HDAC4: variants seen among roughly 807,000 people sequenced by gnomAD.
HDAC4 encodes the protein histone deacetylase A.
HDAC4 carries 16 observed loss-of-function variants against 135.1 expected under a neutral mutation model. The observed-to-expected ratio is 0.12, with a 90% CI of 0.08 to 0.18. The LOEUF is 0.18. HDAC4 is among the 10% of genes least tolerant of loss of function. The probability of loss-of-function intolerance (pLI) is 1.00; values close to 1 mark genes in which losing one functional copy is unlikely to be tolerated. For missense variants in HDAC4, 1,143 were observed against 1,511.8 expected, an observed-to-expected ratio of 0.76 and a Z score of 4.05; for synonymous variants, 685 against 653.4, an observed-to-expected ratio of 1.05 and a Z score of -0.74.
intron 2 of HDAC4, among the ~76,000 whole-genome samples, chr2:239,272,093 G>A (rs2050090959): frequency 1.3e-5 from 2 of 152,294 alleles, no homozygotes; most frequent in South Asian, 4.1e-4. Flanking sequence ...AACAACTGTG[G>A]GAAAAGCGAA....
intron 2 of HDAC4, among the ~76,000 whole-genome samples, chr2:239,276,497 A>C (rs2050373127): frequency 6.6e-6 from 1 of 152,220 alleles, no homozygotes; most frequent in Non-Finnish European, 1.5e-5. Flanking sequence ...AGATTGCTCC[A>C]TTGGTCATCA....
At chr2:239,200,265 C>G (rs598377) in intron 3 of HDAC4, among the ~76,000 whole-genome samples, 138,086 of 152,244 alleles carry the variant, frequency 0.91, 62,777 homozygotes, top group South Asian at 0.97. Context: ...GACATTCAAA[C>G]GCCTGAACGG....
At chr2:239,102,487 A>G in intron 16 of HDAC4, 1 of 426,818 alleles carries the variant, frequency 2.3e-6, no homozygotes, top group Non-Finnish European at 4.4e-6. Context: ...GGCGGGCAGC[A>G]TGCTGGCTGT....
At chr2:239,216,182 G>A (rs1266986456) in intron 3 of HDAC4, among the ~76,000 whole-genome samples, 2 of 123,732 alleles carry the variant, frequency 1.6e-5, no homozygotes, top group African/African-American at 5.3e-5. Flanking sequence ...ATATAAAAAC[G>A]CACGTGTTTA....
At chr2:239,366,960 G>C (rs762105818) in intron 1 of HDAC4, among the ~76,000 whole-genome samples, 1 of 139,522 alleles carries the variant, frequency 7.2e-6, no homozygotes, top group Non-Finnish European at 1.5e-5. Flanking sequence ...CACCAACAAC[G>C]GGCCTGAATT....
chr2:239,312,293 C>T (rs903543360), intron 2 of HDAC4, among the ~76,000 whole-genome samples: 6 of 152,164 alleles, frequency 3.9e-5, no homozygotes, highest in African/African-American at 1.4e-4. Context: ...AGCCTTGGTG[C>T]CAGGGCTCCT....
intron 7 of HDAC4, among the ~76,000 whole-genome samples, chr2:239,153,767 A>G (rs1425213576): frequency 6.6e-6 from 1 of 152,244 alleles, no homozygotes; most frequent in Non-Finnish European, 1.5e-5. Context: ...TCACAAGGTT[A>G]GAAGCACAGT....
chr2:239,127,322 C>T (rs2040261448), intron 11 of HDAC4, among the ~76,000 whole-genome samples: 1 of 152,228 alleles, frequency 6.6e-6, no homozygotes, highest in Non-Finnish European at 1.5e-5. Context: ...AGGATGCCCA[C>T]TTCACCAACC....
rs2031011532 is a variant in HDAC4 at position 239,052,527 on chromosome 2, T to TCCCCCACCCGGGTGCAGAC, written c.*551_*569dup. The TCCCCCACCCGGGTGCAGAC allele has an allele frequency of 6.6e-6, 1 of 150,994 alleles. No homozygotes were observed. Among genetic ancestry groups the TCCCCCACCCGGGTGCAGAC allele is most frequent in the Non-Finnish European group, 1.5e-5 (1 of 68,582 alleles). 9.4% of individuals were successfully genotyped at this position (150,994 alleles called of 1,614,324 possible). A position where few individuals can be genotyped will look rare whatever the true frequency, so the allele number is the denominator to read the frequency against. ...TTTGTTTTCTTTAAAGGTCCCTCTG[T>TCCCCCACCCGGGTGCAGAC]CCCCCACCCGGGTGCAGACCCCCCG... On this transcript the variant is annotated 3_prime_UTR_variant, in exon 27 of 27. Coordinates refer to ENST00000543185, the MANE Select transcript of HDAC4 (RefSeq NM_001378414.1).
Position 239,400,798 on chromosome 2 carries a change from G to T in HDAC4, c.-220+180C>A, listed in dbSNP as rs989751815. ...GCGCGCGGGCTCGGGCTCGGGCGGC[G>T]ACAGCCGGGACGCGGCCACGGCGCC... On this transcript the variant is annotated intron_variant, in intron 1 of 26. Transcript: ENST00000543185. This position sits in a 1 kb window ranked among gnomAD's most constrained non-coding sequence, Gnocchi z 4.7. 7 of 145,962 alleles carry T rather than the reference G, an allele frequency of 4.8e-5. No individual in the cohort carries two copies. Among genetic ancestry groups the T allele is most frequent in the South Asian group, 1.9e-4 (1 of 5,348 alleles). 9.0% of individuals were successfully genotyped at this position (145,962 alleles called of 1,614,324 possible). A position where few individuals can be genotyped will look rare whatever the true frequency, so the allele number is the denominator to read the frequency against.
intron 2 of HDAC4, among the ~76,000 whole-genome samples, chr2:239,256,600 C>G (rs2049065771): frequency 6.6e-6 from 1 of 152,256 alleles, no homozygotes; most frequent in South Asian, 2.1e-4. Flanking sequence ...GATCGCTCCA[C>G]TGATACTGTT....
intron 2 of HDAC4, among the ~76,000 whole-genome samples, chr2:239,238,905 C>T (rs1317381102): frequency 3.3e-5 from 5 of 152,188 alleles, no homozygotes; most frequent in Admixed American, 6.5e-5. Context: ...TGGGCTGGTC[C>T]GCGTCCCACC....
intron 12 of HDAC4, among the ~76,000 whole-genome samples, chr2:239,125,288 C>A (rs965937775): frequency 2.6e-5 from 4 of 152,138 alleles, no homozygotes; most frequent in Admixed American, 6.5e-5. Context: ...GAGGTCTGGT[C>A]GGTTAGAAGT....
chr2:239,217,528 C>G (rs2046707570), intron 3 of HDAC4, among the ~76,000 whole-genome samples: 1 of 152,066 alleles, frequency 6.6e-6, no homozygotes, highest in African/African-American at 2.4e-5. Context: ...CTGCAAGTAA[C>G]AAAATCAGAA....
At chr2:239,257,511 G>A (rs1575542584) in intron 2 of HDAC4, among the ~76,000 whole-genome samples, 2 of 152,272 alleles carry the variant, frequency 1.3e-5, no homozygotes, top group East Asian at 3.9e-4. Context: ...TTAGGGTTAG[G>A]AGGAGAACTC....
At position 239,331,538 on chromosome 2, in the gene HDAC4, G is replaced by A. The variant is rs1023026240; in HGVS notation, c.22+21140C>T. Among the ~76,000 whole-genome samples the A allele has an allele frequency of 7.2e-5, 11 of 152,152 alleles. No individual in the cohort carries two copies. The highest frequency in any genetic ancestry group is 5.9e-4 in the Admixed American group (9 of 15,278). On this transcript the variant is annotated intron_variant, in intron 2 of 26. Coordinates refer to ENST00000543185, the MANE Select transcript of HDAC4 (RefSeq NM_001378414.1). The surrounding 1 kb of genome is among the most constrained non-coding windows in gnomAD (Gnocchi z 4.5). ...AAGCCTGGAAAGCAAGCTGGGACTC[G>A]TGAACTAAGCCGCCCAGATAGTGAG...
intron 17 of HDAC4, chr2:239,094,285 A>G (rs778736163): frequency 2.4e-5 from 24 of 985,446 alleles, no homozygotes; most frequent in Non-Finnish European, 2.8e-5. Flanking sequence ...GGGCCAGGGG[A>G]GAACTCTTTT....
intron 15 of HDAC4, among the ~76,000 whole-genome samples, chr2:239,106,707 G>A (rs938618875): frequency 1.3e-5 from 2 of 150,388 alleles, no homozygotes; most frequent in African/African-American, 2.4e-5. Flanking sequence ...ATGAGGCACA[G>A]ATTAAAAGTT....
chr2:239,145,171 T>C (rs1319468333), intron 7 of HDAC4, among the ~76,000 whole-genome samples: 1 of 152,194 alleles, frequency 6.6e-6, no homozygotes, highest in Non-Finnish European at 1.5e-5. Context: ...GACAGGGATG[T>C]GAGGCTGGGC....
Sources: allele counts gnomAD v4.1 joint callset (sites outside exome capture counted in the v4.1 genomes callset), GRCh38; gene constraint gnomAD v4.1.1; non-coding constraint Gnocchi (gnomAD v3.1); transcripts MANE v1.5; gene names NCBI Gene and HGNC (gene_info 2026-07-23, HGNC 2026-07-21).